The following CP variants were observed in gnomAD, a reference collection of about 807,000 sequenced individuals.
CP encodes the protein ceruloplasmin.
A neutral mutation model predicts 122.4 loss-of-function variants in CP; 64 were observed. The observed-to-expected ratio is 0.52, with a 90% CI of 0.43 to 0.64. The LOEUF (loss-of-function observed/expected upper bound fraction) is 0.64. Among genes scored for constraint, CP ranks in the 30% least tolerant of loss-of-function variants. The pLI is 0.00. For missense variants in CP, 1,167 were observed against 1,284.4 expected, an observed-to-expected ratio of 0.91 and a Z score of 1.40; for synonymous variants, 440 against 436.4, an observed-to-expected ratio of 1.01 and a Z score of -0.10.
At chr3:149,181,975 C>CTGGGGGGGGGGGGGG in intron 14 of CP, 30 bp downstream of exon 14, 1 of 1,088,426 alleles carries the variant, frequency 9.2e-7, no homozygotes, top group Non-Finnish European at 1.4e-6. Context: ...TGTTAAAATG[C>CTGGGGGGGGGGGGGG]ACCACCCCCA....
chr3:149,196,224 C>T (rs73019052), intron 9 of CP, among the ~76,000 whole-genome samples: 10,885 of 151,780 alleles, frequency 0.072, 1,183 homozygotes, highest in African/African-American at 0.24. Flanking sequence ...ATGTTGGTGT[C>T]GTGGAAAAAA....
At chr3:149,215,370 C>T (rs1281788337) in intron 1 of CP, among the ~76,000 whole-genome samples, 1 of 152,094 alleles carries the variant, frequency 6.6e-6, no homozygotes, top group East Asian at 1.9e-4. Flanking sequence ...ATTGCCTAGG[C>T]TTTGTAACTA....
At chr3:149,217,506 T>C (rs781316950) in intron 1 of CP, among the ~76,000 whole-genome samples, 1 of 152,162 alleles carries the variant, frequency 6.6e-6, no homozygotes, top group Non-Finnish European at 1.5e-5. Flanking sequence ...GAGTCTCCAC[T>C]TTAACCAGTC....
intron 15 of CP, among the ~76,000 whole-genome samples, chr3:149,179,210 C>G (rs1576730101): frequency 1.3e-5 from 2 of 152,256 alleles, no homozygotes; most frequent in Admixed American, 6.5e-5. Context: ...AACCTCCAGT[C>G]TCTTCCCCCT....
intron 12 of CP, among the ~76,000 whole-genome samples, chr3:149,184,108 T>C (rs1223573699): frequency 7.8e-6 from 1 of 128,918 alleles, no homozygotes; most frequent in Non-Finnish European, 1.6e-5. Context: ...TGATCTCCGC[T>C]CACTGCAAGC....
chr3:149,221,545 T>C, intron 1 of CP, 102 bp downstream of exon 1: 1 of 1,119,476 alleles, frequency 8.9e-7, no homozygotes, highest in Non-Finnish European at 1.3e-6. Context: ...CATTTTGCAG[T>C]TTCTGTATAT....
Position 149,179,607 on chromosome 3 carries a change from C to G in CP, c.2610G>C (p.Glu870Asp), listed in dbSNP as rs199743442. 6.2e-7 allele frequency: 1 copy of G among 1,613,732 alleles called. No individual in the cohort carries two copies. The highest frequency in any genetic ancestry group is 1.3e-5 in the African/African-American group (1 of 74,950). The change falls in exon 15 of 19, where the codon GAG becomes GAC. Residue 870 changes from glutamate to aspartate, a missense_variant. This residue lies in a region of CP where 525 missense variants were observed against 657.2 expected (regional missense o/e 0.80). Coordinates refer to ENST00000264613, the MANE Select transcript of CP (RefSeq NM_000096.4). ...KIPERSGAGTEDSACIPWAYY... is the reference protein window; with the variant it reads ...KIPERSGAGTDDSACIPWAYY... ...AAGCCCATGGAATACAAGCAGAATC[C>G]TCTGTTCCAGCTCCAGATCTTTCTG...
chr3:149,172,218 C>G (rs1216880047), downstream of CP: 1 of 1,612,380 alleles, frequency 6.2e-7, no homozygotes, highest in Non-Finnish European at 8.5e-7. Context: ...AAACCATTGA[C>G]TTAAAGGTAT....
downstream of CP, chr3:149,172,350 A>G (rs73019023): frequency 0.089 from 62,271 of 697,488 alleles, 3,440 homozygotes; most frequent in African/African-American, 0.17. Context: ...ACACACACAC[A>G]CACACATATA....
intron 4 of CP, among the ~76,000 whole-genome samples, chr3:149,208,089 A>T (rs1727864392): frequency 6.6e-6 from 1 of 152,130 alleles, no homozygotes. Flanking sequence ...AGTACATAAG[A>T]ATAGCTTTTT....
chr3:149,174,953 A>G (rs1269801678), intron 18 of CP, among the ~76,000 whole-genome samples: 1 of 152,022 alleles, frequency 6.6e-6, no homozygotes, highest in South Asian at 2.1e-4. Context: ...TTTAAAAACT[A>G]TCTCGCCTTT....
At chr3:149,187,000 T>G (rs559774017) in intron 10 of CP, among the ~76,000 whole-genome samples, 48 of 152,322 alleles carry the variant, frequency 3.2e-4, no homozygotes, top group African/African-American at 1.1e-3. Flanking sequence ...CTGCTCTTCC[T>G]GGCTAAAACA....
intron 18 of CP, 65 bp downstream of exon 18, chr3:149,176,185 G>T: frequency 6.8e-7 from 1 of 1,470,458 alleles, no homozygotes; most frequent in Non-Finnish European, 9.5e-7. Flanking sequence ...AAGTATTTAG[G>T]CAAAGTAGTT....
chr3:149,201,414 C>A (rs2108276065), intron 7 of CP, among the ~76,000 whole-genome samples: 1 of 152,280 alleles, frequency 6.6e-6, no homozygotes, highest in South Asian at 2.1e-4. Flanking sequence ...AGCCACCACG[C>A]CTGGCCCTAG....
chr3:149,192,981 T>TACACACACAC (rs3070607), intron 9 of CP, among the ~76,000 whole-genome samples: 2 of 148,804 alleles, frequency 1.3e-5, no homozygotes, highest in Admixed American at 6.7e-5. Flanking sequence ...TGATCCTGTA[T>TACACACACAC]ACACACACAC....
intron 14 of CP, 50 bp from the exon 15 acceptor site, chr3:149,179,712 A>G (rs1399744101): frequency 5.3e-6 from 1 of 190,344 alleles, no homozygotes; most frequent in South Asian, 4.7e-5. Context: ...TTTATATTGT[A>G]CACACACACA....
chr3:149,162,423 TG>T, exon 6 of CP: 1 of 1,244,592 alleles, frequency 8.0e-7, no homozygotes, highest in Non-Finnish European at 1.2e-6. Flanking sequence ...GTTTTTCATT[TG>T]TTTGTTTATT....
intron 14 of CP, among the ~76,000 whole-genome samples, chr3:149,180,375 T>C (rs1407067239): frequency 6.6e-6 from 1 of 152,194 alleles, no homozygotes; most frequent in African/African-American, 2.4e-5. Context: ...CCAAGGCTCT[T>C]ACCCTTTTCC....
chr3:149,163,897 C>A (rs766512956), intron 5 of CP: 1 of 1,584,062 alleles, frequency 6.3e-7, no homozygotes, highest in South Asian at 1.1e-5. Flanking sequence ...GTCGTAATAT[C>A]ATCTGATTCT....
Sources: allele counts gnomAD v4.1 joint callset (sites outside exome capture counted in the v4.1 genomes callset), GRCh38; gene constraint gnomAD v4.1.1; regional missense constraint gnomAD v4.1.1; transcripts MANE v1.5; gene names NCBI Gene and HGNC (gene_info 2026-07-23, HGNC 2026-07-21).